NAV2: variants seen among roughly 807,000 people sequenced by gnomAD.
The protein encoded by NAV2 is helicase, APC down-regulated 1.
In NAV2, 54 loss-of-function variants were observed where a neutral mutation model predicts 223.2. The observed-to-expected ratio is 0.24, with a 90% CI of 0.19 to 0.30. The LOEUF (loss-of-function observed/expected upper bound fraction) is 0.30, where lower values mean the gene tolerates loss of function less well. Ranked by LOEUF, NAV2 falls within the 10% of genes least tolerant of loss-of-function variation. The probability of loss-of-function intolerance (pLI) is 1.00; values close to 1 mark genes in which losing one functional copy is unlikely to be tolerated. For missense variants in NAV2, 2,806 were observed against 3,147.5 expected, an observed-to-expected ratio of 0.89 and a Z score of 2.60; for synonymous variants, 1,279 against 1,239.3, an observed-to-expected ratio of 1.03 and a Z score of -0.67.
intron 1 of NAV2, among the ~76,000 whole-genome samples, chr11:19,422,008 C>G (rs1850634759): frequency 6.6e-6 from 1 of 152,068 alleles, no homozygotes; most frequent in Admixed American, 6.6e-5. Context: ...AGCTTTATAC[C>G]TGCATCATGG....
chr11:19,620,663 G>T (rs952887136), intron 1 of NAV2, among the ~76,000 whole-genome samples: 2 of 152,208 alleles, frequency 1.3e-5, no homozygotes, highest in Admixed American at 6.5e-5. Context: ...ATTTAGGGCT[G>T]AGATGACTGG....
At chr11:20,103,624 A>G in intron 33 of NAV2, 29 bp from the exon 34 acceptor site, 1 of 1,611,856 alleles carries the variant, frequency 6.2e-7, no homozygotes, top group Non-Finnish European at 8.5e-7. Flanking sequence ...TTGGAATCAC[A>G]GCTTTCTTTT....
intron 11 of NAV2, among the ~76,000 whole-genome samples, chr11:20,003,138 G>C (rs1008965770): frequency 6.6e-6 from 1 of 152,214 alleles, no homozygotes; most frequent in Non-Finnish European, 1.5e-5. Context: ...AGGGAAGTCG[G>C]AGAGGGGAAA....
chr11:19,843,029 G>A (rs1447573046), intron 3 of NAV2, 106 bp downstream of exon 3: 1 of 875,422 alleles, frequency 1.1e-6, no homozygotes, highest in Non-Finnish European at 1.8e-6. Flanking sequence ...TTACTCCAGG[G>A]GATTATATTA....
chr11:19,704,875 G>T (rs567279604), intron 1 of NAV2, among the ~76,000 whole-genome samples: 1 of 151,686 alleles, frequency 6.6e-6, no homozygotes, highest in Non-Finnish European at 1.5e-5. Flanking sequence ...GCCGGGCGTC[G>T]TGGCGGGCGC....
intron 7 of NAV2, among the ~76,000 whole-genome samples, chr11:19,935,856 T>TTTTTTTTG (rs1424716670): frequency 0.02 from 1,990 of 97,826 alleles, 131 homozygotes; most frequent in Non-Finnish European, 0.03. Flanking sequence ...TTTCTGTTTT[T>TTTTTTTTG]TTTTTTTTTT....
chr11:19,730,353 C>G (rs1399183081), intron 1 of NAV2, among the ~76,000 whole-genome samples: 2 of 152,140 alleles, frequency 1.3e-5, no homozygotes, highest in African/African-American at 4.8e-5. Flanking sequence ...CCCACACAGG[C>G]GAAGGTTTTG....
chr11:19,981,387 C>T (rs2050269949), intron 10 of NAV2: 2 of 152,326 alleles, frequency 1.3e-5, no homozygotes, highest in Non-Finnish European at 2.9e-5. Flanking sequence ...TCACCAGGCC[C>T]CACAGTCTGG....
chr11:19,816,508 G>T (rs1276500461), intron 1 of NAV2, among the ~76,000 whole-genome samples: 10 of 152,166 alleles, frequency 6.6e-5, no homozygotes, highest in Admixed American at 6.5e-4. Context: ...GTGCTCATAG[G>T]TGCTTCACAT....
chr11:19,955,199 G>A (rs2153386294), intron 10 of NAV2, among the ~76,000 whole-genome samples: 1 of 152,116 alleles, frequency 6.6e-6, no homozygotes, highest in Non-Finnish European at 1.5e-5. Context: ...TTGAGCCTAG[G>A]AGTTCAAGAC....
chr11:19,397,890 G>A (rs1310676613), intron 1 of NAV2, among the ~76,000 whole-genome samples: 1 of 152,124 alleles, frequency 6.6e-6, no homozygotes, highest in African/African-American at 2.4e-5. Context: ...GTAGGGGAGG[G>A]GAAAAGAGAA....
intron 3 of NAV2, among the ~76,000 whole-genome samples, chr11:19,846,855 G>C (rs2060839757): frequency 6.6e-6 from 1 of 152,162 alleles, no homozygotes; most frequent in Non-Finnish European, 1.5e-5. Flanking sequence ...CCTGGAGCAA[G>C]CCCAGCCTTG....
intron 1 of NAV2, among the ~76,000 whole-genome samples, chr11:19,406,319 G>T (rs1849893616): frequency 6.6e-6 from 1 of 152,166 alleles, no homozygotes; most frequent in Non-Finnish European, 1.5e-5. Context: ...TTCCTCATCT[G>T]CTAAATGAGG....
intron 17 of NAV2, among the ~76,000 whole-genome samples, chr11:20,052,035 A>G (rs1044432074): frequency 6.6e-5 from 10 of 152,210 alleles, no homozygotes; most frequent in East Asian, 1.9e-4. Flanking sequence ...CACTTTGCCA[A>G]TCAGAGAAAA....
In NAV2 at chr11:19,998,302, TCTC is replaced by T. The variant is rs1478397119; in HGVS notation, c.2768+14058_2768+14060del. 6.6e-6 allele frequency among the ~76,000 whole-genome samples: 1 copy of T among 151,700 alleles called. No homozygotes were observed. The highest frequency in any genetic ancestry group is 1.5e-5 in the Non-Finnish European group (1 of 67,968). On this transcript the variant is annotated intron_variant, in intron 11 of 37. Coordinates refer to ENST00000349880, the MANE Select transcript of NAV2 (RefSeq NM_145117.5). This position sits in a 1 kb window ranked among gnomAD's most constrained non-coding sequence, Gnocchi z 5.0. Reference sequence around the variant, plus strand: ...CTCTCCCTCTCTCCGCCCACCTCCCTCTCCTTCTCTCTCATTGGCCATGGTGCA... The same window carrying T: ...CTCTCCCTCTCTCCGCCCACCTCCCTCTTCTCTCTCATTGGCCATGGTGCA...
intron 1 of NAV2, among the ~76,000 whole-genome samples, chr11:19,628,483 G>A (rs565438187): frequency 7.2e-5 from 11 of 152,212 alleles, no homozygotes; most frequent in African/African-American, 1.4e-4. Context: ...CCCACACCCC[G>A]TACACACATG....
chr11:19,709,689 G>A (rs529063309), upstream of NAV2, among the ~76,000 whole-genome samples: 1 of 151,784 alleles, frequency 6.6e-6, no homozygotes, highest in African/African-American at 2.4e-5. Context: ...ACAAAAATTA[G>A]CCGGGTGTGG....
chr11:19,836,307 C>T (rs111967563), intron 2 of NAV2, among the ~76,000 whole-genome samples: 6,042 of 151,964 alleles, frequency 0.04, 357 homozygotes, highest in African/African-American at 0.13. Context: ...CCTGTAATCC[C>T]AGCACTTTGG....
chr11:19,976,142 A>G (rs1412934612), intron 10 of NAV2, among the ~76,000 whole-genome samples: 1 of 152,188 alleles, frequency 6.6e-6, no homozygotes, highest in Non-Finnish European at 1.5e-5. Context: ...GCTCCCCTCT[A>G]CAGAGACCAC....
Sources: allele counts gnomAD v4.1 joint callset (sites outside exome capture counted in the v4.1 genomes callset), GRCh38; gene constraint gnomAD v4.1.1; non-coding constraint Gnocchi (gnomAD v3.1); transcripts MANE v1.5; gene names NCBI Gene and HGNC (gene_info 2026-07-23, HGNC 2026-07-21).